NXPH4: variants seen among roughly 807,000 people sequenced by gnomAD.
NXPH4 encodes the protein neurexophilin-4.
In NXPH4, 8 loss-of-function variants were observed where a neutral mutation model predicts 21.3. The ratio of observed to expected loss-of-function variants is 0.38; its 90% CI spans 0.22 to 0.68. The LOEUF (loss-of-function observed/expected upper bound fraction) is 0.68. Ranked by LOEUF, NXPH4 falls within the 30% of genes least tolerant of loss-of-function variation. The pLI is 0.53. For missense variants in NXPH4, 418 were observed against 416.8 expected, an observed-to-expected ratio of 1.00 and a Z score of -0.03; for synonymous variants, 219 against 192.6, an observed-to-expected ratio of 1.14 and a Z score of -1.13.
chr12:57,222,989 T>C (rs62620661), intron 1 of NXPH4, among the ~76,000 whole-genome samples: 5,471 of 152,226 alleles, frequency 0.036, 221 homozygotes, highest in African/African-American at 0.1. Flanking sequence ...AGTGACACTG[T>C]GTGTGTACAC....
At chr12:57,220,429 G>A (rs988500777) in intron 1 of NXPH4, among the ~76,000 whole-genome samples, 1 of 152,218 alleles carries the variant, frequency 6.6e-6, no homozygotes, top group Non-Finnish European at 1.5e-5. Flanking sequence ...GTTCCCGCGG[G>A]GACCGCGCTG....
intron 1 of NXPH4, among the ~76,000 whole-genome samples, chr12:57,221,059 C>T (rs530073560): frequency 6.6e-6 from 1 of 152,234 alleles, no homozygotes; most frequent in East Asian, 1.9e-4. Context: ...CTTCTCATCC[C>T]TGTCCCCAGG....
In NXPH4 at chr12:57,225,953, C is replaced by T; in HGVS notation, c.*206C>T. On this transcript the variant is annotated 3_prime_UTR_variant, in exon 2 of 2. Coordinates refer to ENST00000349394, the MANE Select transcript of NXPH4 (RefSeq NM_007224.4). ...GCCCGCAAGGCTGGGGTAGCCCCCT[C>T]CAGTACACCCCAAAGTGAAAGGGAT... 1 of 1,428,374 alleles carries T rather than the reference C, an allele frequency of 7.0e-7. No individual in the cohort carries two copies. Among genetic ancestry groups the T allele is most frequent in the South Asian group, 1.5e-5 (1 of 66,610 alleles). The allele number at this position is 1,428,374 out of a possible 1,614,324, so 88.5% of individuals were successfully genotyped here. A position where few individuals can be genotyped will look rare whatever the true frequency, so the allele number is the denominator to read the frequency against.
chr12:57,221,013 G>C (rs1207187009), intron 1 of NXPH4, among the ~76,000 whole-genome samples: 1 of 151,752 alleles, frequency 6.6e-6, no homozygotes, highest in Non-Finnish European at 1.5e-5. Context: ...CCACATCTCT[G>C]TCTCTGCCCC....
Position 57,225,196 on chromosome 12 carries a change from G to T in NXPH4, c.376G>T (p.Gly126Cys). The part of the protein sequence containing the change: ...HTLKFSLLVT[G>C]KIVDHVNGTF... ...CCTCAAGTTTTCGCTGCTGGTGACC[G>T]GCAAGATCGTGGACCATGTGAACGG... Residue 126 changes from glycine to cysteine, a missense_variant, in exon 2 of 2, where the codon GGC (glycine) becomes TGC (cysteine). Transcript: ENST00000349394. 1 of 1,589,754 alleles carries T rather than the reference G, an allele frequency of 6.3e-7. No individual in the cohort carries two copies.
chr12:57,224,859 C>T lies in NXPH4; in HGVS notation c.58-19C>T. The T allele has an allele frequency of 1.4e-6, 1 of 735,720 alleles. No individual in the cohort carries two copies. The highest frequency in any genetic ancestry group is 2.0e-6 in the Non-Finnish European group (1 of 488,468). 45.6% of individuals were successfully genotyped at this position (735,720 alleles called of 1,614,324 possible). A position where few individuals can be genotyped will look rare whatever the true frequency, so the allele number is the denominator to read the frequency against. ...GGGGACAACCCCAGCGTCTCTCTCT[C>T]CTCTTTCTTCGTGCACAGGCCGTCA... is the stretch of plus-strand genomic sequence containing the variant. On this transcript the variant is annotated intron_variant, in intron 1 of 1. Coordinates refer to ENST00000349394, the MANE Select transcript of NXPH4 (RefSeq NM_007224.4).
At chr12:57,222,876 G>A (rs1003593071) in intron 1 of NXPH4, among the ~76,000 whole-genome samples, 3 of 152,208 alleles carry the variant, frequency 2.0e-5, no homozygotes, top group African/African-American at 7.2e-5. Context: ...TATGACGAGC[G>A]GGTGGTGGCA....
chr12:57,222,919 G>A (rs1375338486), intron 1 of NXPH4, among the ~76,000 whole-genome samples: 1 of 152,192 alleles, frequency 6.6e-6, no homozygotes, highest in East Asian at 1.9e-4. Context: ...GCGTGGCGGG[G>A]ACGGGGACCA....
At chr12:57,217,783 T>G (rs2037054475) in intron 1 of NXPH4, among the ~76,000 whole-genome samples, 1 of 152,230 alleles carries the variant, frequency 6.6e-6, no homozygotes, top group Non-Finnish European at 1.5e-5. Context: ...ACTTGGAGGC[T>G]TCAACCTGCG....
At chr12:57,217,057 G>C (rs1032782758) in intron 1 of NXPH4, 31 bp downstream of exon 1, 29 of 1,573,576 alleles carry the variant, frequency 1.8e-5, no homozygotes, top group African/African-American at 4.1e-5. Flanking sequence ...GCGCTAGCGC[G>C]GGCGCGGGGT....
At chr12:57,223,630 G>A (rs771119294) in intron 1 of NXPH4, among the ~76,000 whole-genome samples, 2 of 152,188 alleles carry the variant, frequency 1.3e-5, no homozygotes, top group African/African-American at 2.4e-5. Context: ...AGCACGCGGC[G>A]GTGGTGGCTA....
chr12:57,222,933 G>A (rs770482577), intron 1 of NXPH4, among the ~76,000 whole-genome samples: 26 of 152,284 alleles, frequency 1.7e-4, no homozygotes, highest in Middle Eastern at 3.4e-3. Context: ...GGGACCAGGC[G>A]GTGGAGATTC....
rs2037044020 is a variant in NXPH4 at position 57,216,900 on chromosome 12, C to T, written c.-70C>T. The stretch of plus-strand genomic sequence containing the variant: ...GCCGCCCCGCCGCCCGCCCGGAGCC[C>T]CGCGTCCCTAGGCCTGGCTCCCGCC... On this transcript the variant is annotated 5_prime_UTR_variant, in exon 1 of 2. Transcript: ENST00000349394. This position sits in a 1 kb window ranked among gnomAD's most constrained non-coding sequence, Gnocchi z 5.3. The T allele has an allele frequency of 8.8e-7, 1 of 1,134,092 alleles. No homozygotes were observed. Among genetic ancestry groups the T allele is most frequent in the South Asian group, 2.8e-5 (1 of 35,520 alleles). 70.3% of individuals were successfully genotyped at this position (1,134,092 alleles called of 1,614,324 possible).
chr12:57,222,116 G>A (rs572569061), intron 1 of NXPH4, among the ~76,000 whole-genome samples: 19 of 151,954 alleles, frequency 1.3e-4, no homozygotes, highest in Non-Finnish European at 2.4e-4. Flanking sequence ...CTCGGCTCTC[G>A]TTTCCTCACA....
In NXPH4 at chr12:57,216,911, G is replaced by C; in HGVS notation, c.-59G>C. 7.2e-7 allele frequency: 1 copy of C among 1,398,380 alleles called. No homozygotes were observed. Among genetic ancestry groups the C allele is most frequent in the Non-Finnish European group, 9.5e-7 (1 of 1,048,978 alleles). 86.6% of individuals were successfully genotyped at this position (1,398,380 alleles called of 1,614,324 possible). ...GCCCGCCCGGAGCCCCGCGTCCCTA[G>C]GCCTGGCTCCCGCCTGCCCGAGACC... On this transcript the variant is annotated 5_prime_UTR_variant, in exon 1 of 2. Transcript: ENST00000349394. This position sits in a 1 kb window ranked among gnomAD's most constrained non-coding sequence, Gnocchi z 5.3.
chr12:57,221,251 C>T, intron 1 of NXPH4: 2 of 442,030 alleles, frequency 4.5e-6, no homozygotes, highest in Non-Finnish European at 9.2e-6. Flanking sequence ...TATTGCAGCA[C>T]CCCTGCCTCT....
At chr12:57,222,554 CGGTTG>C (rs2037102195) in intron 1 of NXPH4, among the ~76,000 whole-genome samples, 1 of 152,050 alleles carries the variant, frequency 6.6e-6, no homozygotes, top group South Asian at 2.1e-4. Context: ...GAAAGAACAG[CGGTTG>C]GGTGAGATTA....
At chr12:57,217,116 C>T (rs2037047377) in intron 1 of NXPH4, 90 bp downstream of exon 1, 1 of 1,193,688 alleles carries the variant, frequency 8.4e-7, no homozygotes. Context: ...GCGCCCGCCC[C>T]GCCCCCAGCT....
At chr12:57,222,915 C>CG (rs1565763483) in intron 1 of NXPH4, among the ~76,000 whole-genome samples, 1 of 152,124 alleles carries the variant, frequency 6.6e-6, no homozygotes, top group African/African-American at 2.4e-5. Flanking sequence ...CGCAGCGTGG[C>CG]GGGGACGGGG....
Sources: allele counts gnomAD v4.1 joint callset (sites outside exome capture counted in the v4.1 genomes callset), GRCh38; gene constraint gnomAD v4.1.1; non-coding constraint Gnocchi (gnomAD v3.1); transcripts MANE v1.5; gene names NCBI Gene and HGNC (gene_info 2026-07-23, HGNC 2026-07-21).